ICA1: variants seen among roughly 807,000 people sequenced by gnomAD.
ICA1 encodes 69 kDa islet cell autoantigen.
In ICA1, 40 loss-of-function variants were observed where a neutral mutation model predicts 71.0. That is an observed-to-expected ratio of 0.56 (90% confidence interval 0.44 to 0.73). The LOEUF (loss-of-function observed/expected upper bound fraction) is 0.73. Ranked by LOEUF, ICA1 falls within the 30% of genes least tolerant of loss-of-function variation. The pLI is 0.00. For missense variants in ICA1, 578 were observed against 576.5 expected (o/e 1.00, Z -0.03); for synonymous variants, 207 against 209.5 (o/e 0.99, Z 0.10).
intron 6 of ICA1, among the ~76,000 whole-genome samples, chr7:8,202,023 C>A (rs1291667829): frequency 2.6e-5 from 4 of 152,150 alleles, no homozygotes; most frequent in Non-Finnish European, 5.9e-5. Flanking sequence ...CACAGTCAGC[C>A]CAATGCCCTC....
rs1040789022 is a variant in ICA1, at chr7:8,123,099, C to T, written c.1330+4774G>A. Among the ~76,000 whole-genome samples, 5 of 152,224 alleles carry T rather than the reference C, an allele frequency of 3.3e-5. No individual in the cohort carries two copies. Among genetic ancestry groups the T allele is most frequent in the Non-Finnish European group, 7.3e-5 (5 of 68,040 alleles). On this transcript the variant is annotated intron_variant, in intron 13 of 13. Transcript: ENST00000402384. The surrounding 1 kb of genome is among the most constrained non-coding windows in gnomAD (Gnocchi z 4.1). Reference sequence around the variant, plus strand: ...ACTGCATGACAGAGGAACCCCCACACCTTACCATGCTGATAACTTCAGACA... The same window carrying T: ...ACTGCATGACAGAGGAACCCCCACATCTTACCATGCTGATAACTTCAGACA...
chr7:8,166,693 A>G (rs562721770), intron 6 of ICA1, among the ~76,000 whole-genome samples: 1 of 152,328 alleles, frequency 6.6e-6, no homozygotes, highest in East Asian at 1.9e-4. Context: ...CTATCAACAG[A>G]GAAAAAAGAC....
chr7:8,168,140 T>C (rs1362638630), intron 6 of ICA1, among the ~76,000 whole-genome samples: 2 of 152,114 alleles, frequency 1.3e-5, no homozygotes, highest in Non-Finnish European at 2.9e-5. Context: ...ACTCCTCTGC[T>C]TGCCTCAATG....
intron 6 of ICA1, among the ~76,000 whole-genome samples, chr7:8,182,965 G>A (rs3823833): frequency 0.44 from 67,621 of 152,092 alleles, 18,567 homozygotes; most frequent in South Asian, 0.68. Flanking sequence ...AAAAACATTA[G>A]CATGTACAGG....
chr7:8,117,819 A>G lies in ICA1; in HGVS notation c.1331-3775T>C, dbSNP rs867727361. 2.0e-5 allele frequency among the ~76,000 whole-genome samples: 3 copies of G among 152,358 alleles called. No homozygotes were observed. In the Middle Eastern group the frequency reaches 0.01, roughly 518 times the overall value. On this transcript the variant is annotated intron_variant, in intron 13 of 13. Transcript: ENST00000402384. ...GTCCAGAGCAAGAATGCCACTCAGTATATGGCACAAAAAGTATAGGATTTA... is the reference window on the plus strand; with the variant it reads ...GTCCAGAGCAAGAATGCCACTCAGTGTATGGCACAAAAAGTATAGGATTTA...
intron 1 of ICA1, among the ~76,000 whole-genome samples, chr7:8,246,585 A>G (rs1806114336): frequency 6.6e-6 from 1 of 152,182 alleles, no homozygotes; most frequent in South Asian, 2.1e-4. Flanking sequence ...TATTCACCTC[A>G]TGGTCCAAAG....
chr7:8,184,948 C>G (rs1021407421), intron 6 of ICA1, among the ~76,000 whole-genome samples: 1 of 151,982 alleles, frequency 6.6e-6, no homozygotes, highest in Non-Finnish European at 1.5e-5. Flanking sequence ...GTGGCGTGCG[C>G]CTATAGTCCT....
At chr7:8,162,069 G>A (rs917409517) in intron 6 of ICA1, among the ~76,000 whole-genome samples, 14 of 152,122 alleles carry the variant, frequency 9.2e-5, no homozygotes, top group African/African-American at 3.1e-4. Flanking sequence ...AACGAAATGC[G>A]AATTAACTTT....
chr7:8,117,809 G>A (rs2127999831), intron 13 of ICA1, among the ~76,000 whole-genome samples: 1 of 152,294 alleles, frequency 6.6e-6, no homozygotes, highest in South Asian at 2.1e-4. Flanking sequence ...GAGCAAGAAT[G>A]CCACTCAGTA....
intron 6 of ICA1, among the ~76,000 whole-genome samples, chr7:8,167,814 G>A (rs913702334): frequency 6.6e-6 from 1 of 152,108 alleles, no homozygotes; most frequent in Non-Finnish European, 1.5e-5. Context: ...TTCAGTGAAC[G>A]GCACCTGATC....
Position 8,138,812 on chromosome 7 carries a change from T to G in ICA1, c.1060+28A>C, listed in dbSNP as rs377004243. ...GTAATTTAAAAAATCAAACAAATCATAATCCCAAAGAAACACATAAATCTT... is the reference window on the plus strand; with the variant it reads ...GTAATTTAAAAAATCAAACAAATCAGAATCCCAAAGAAACACATAAATCTT... On this transcript the variant is annotated intron_variant, in intron 12 of 13. Coordinates refer to ENST00000402384, the MANE Select transcript of ICA1 (RefSeq NM_001136020.3). 6.4e-5 allele frequency: 97 copies of G among 1,521,116 alleles called. No homozygotes were observed. In the African/African-American group the frequency reaches 1.3e-3, roughly 20 times the overall value. The allele number at this position is 1,521,116 out of a possible 1,614,324, so 94.2% of individuals were successfully genotyped here.
chr7:8,139,075 C>T, intron 10 of ICA1, 28 bp from the exon 11 acceptor site: 2 of 1,566,954 alleles, frequency 1.3e-6, no homozygotes, highest in South Asian at 1.1e-5. Flanking sequence ...CAACTGGTTA[C>T]CAACAACTCG....
chr7:8,200,765 G>C (rs1397668119), intron 6 of ICA1, among the ~76,000 whole-genome samples: 1 of 152,226 alleles, frequency 6.6e-6, no homozygotes, highest in African/African-American at 2.4e-5. Context: ...TATTAGTTGA[G>C]TTTTGAGCTG....
chr7:8,137,157 GA>G (rs1477947612), intron 12 of ICA1, among the ~76,000 whole-genome samples: 1 of 151,974 alleles, frequency 6.6e-6, no homozygotes, highest in East Asian at 1.9e-4. Flanking sequence ...TTAGAATAGG[GA>G]GGGGGTTAAG....
At chr7:8,199,695 A>G (rs1006432310) in intron 6 of ICA1, among the ~76,000 whole-genome samples, 4 of 152,210 alleles carry the variant, frequency 2.6e-5, no homozygotes, top group African/African-American at 9.6e-5. Context: ...CACTGATGAC[A>G]GAGCGAGACT....
rs371719948 is a variant in ICA1, at chr7:8,163,913, T to G, written c.580-5261A>C. 3.4e-4 allele frequency among the ~76,000 whole-genome samples: 52 copies of G among 152,120 alleles called. 1 individual carries two copies. The highest frequency in any genetic ancestry group is 6.5e-5 in the Admixed American group (1 of 15,272). ...TTATCCTGGAATAGCAGAAAAACAC[T>G]GGAGGCTTTTAAGCAAGGAAGAGAG... On this transcript the variant is annotated intron_variant, in intron 6 of 13. Transcript: ENST00000402384.
intron 6 of ICA1, among the ~76,000 whole-genome samples, chr7:8,202,495 G>C (rs1439750997): frequency 6.6e-6 from 1 of 152,162 alleles, no homozygotes; most frequent in African/African-American, 2.4e-5. Flanking sequence ...CAATGTCAAA[G>C]TTTCTTTTAT....
intron 6 of ICA1, among the ~76,000 whole-genome samples, chr7:8,206,424 T>C (rs1437641406): frequency 6.6e-6 from 1 of 152,152 alleles, no homozygotes; most frequent in Non-Finnish European, 1.5e-5. Flanking sequence ...CTCTCTTCCC[T>C]TTATTATTAT....
chr7:8,142,257 C>T (rs1562629597), intron 9 of ICA1, among the ~76,000 whole-genome samples: 2 of 152,198 alleles, frequency 1.3e-5, no homozygotes, highest in Admixed American at 1.3e-4. Context: ...TCCAGGCTGA[C>T]CATCTCCTAC....
Sources: allele counts gnomAD v4.1 joint callset (sites outside exome capture counted in the v4.1 genomes callset), GRCh38; gene constraint gnomAD v4.1.1; non-coding constraint Gnocchi (gnomAD v3.1); transcripts MANE v1.5; gene names NCBI Gene and HGNC (gene_info 2026-07-23, HGNC 2026-07-21).